NLK: variants seen among roughly 807,000 people sequenced by gnomAD.
The protein encoded by NLK is nemo like kinase.
NLK carries 11 observed loss-of-function variants against 59.0 expected under a neutral mutation model. That is an observed-to-expected ratio of 0.19 (90% confidence interval 0.12 to 0.31). The LOEUF is 0.31. Ranked by LOEUF, NLK falls within the 10% of genes least tolerant of loss-of-function variation. The pLI is 1.00. For missense variants in NLK, 410 were observed against 661.1 expected, an observed-to-expected ratio of 0.62 and a Z score of 4.16; for synonymous variants, 235 against 235.9, an observed-to-expected ratio of 1.00 and a Z score of 0.03.
chr17:28,131,646 T>C (rs1481014348), intron 2 of NLK, among the ~76,000 whole-genome samples: 1 of 148,926 alleles, frequency 6.7e-6, no homozygotes, highest in Non-Finnish European at 1.5e-5. Flanking sequence ...TTTGAACTAG[T>C]ACCACACAAT....
At chr17:28,044,481 A>G (rs1027940071) in intron 1 of NLK, among the ~76,000 whole-genome samples, 4 of 152,152 alleles carry the variant, frequency 2.6e-5, no homozygotes, top group Non-Finnish European at 4.4e-5. Context: ...CTGCTAAGTG[A>G]TCTCATCCAT....
chr17:28,130,432 A>T (rs1355287118), intron 2 of NLK, among the ~76,000 whole-genome samples: 1 of 152,182 alleles, frequency 6.6e-6, no homozygotes, highest in Non-Finnish European at 1.5e-5. Flanking sequence ...CGTTTAAAAA[A>T]TTCCAGGCAT....
intron 1 of NLK, among the ~76,000 whole-genome samples, chr17:28,097,967 T>G (rs1345282291): frequency 2.0e-5 from 3 of 152,188 alleles, no homozygotes; most frequent in African/African-American, 7.2e-5. Context: ...TGACAAAAGT[T>G]TGTTTCTTGG....
chr17:28,151,885 C>A (rs1407108590), intron 3 of NLK, among the ~76,000 whole-genome samples: 2 of 152,088 alleles, frequency 1.3e-5, no homozygotes, highest in African/African-American at 4.8e-5. Context: ...GAGGGAATGC[C>A]TGCTAGTTTA....
At chr17:28,190,212 A>G (rs1007461889) in intron 8 of NLK, among the ~76,000 whole-genome samples, 2 of 152,228 alleles carry the variant, frequency 1.3e-5, no homozygotes, top group African/African-American at 4.8e-5. Flanking sequence ...TAATACACGT[A>G]TGTCTACTGA....
intron 1 of NLK, among the ~76,000 whole-genome samples, chr17:28,070,759 C>G (rs1353252561): frequency 6.6e-6 from 1 of 151,946 alleles, no homozygotes; most frequent in African/African-American, 2.4e-5. Flanking sequence ...AAGTAAAATA[C>G]TAATTTTAAA....
rs146008623 is a variant in NLK at position 28,091,284 on chromosome 17, A to C, written c.459-31319A>C. 3.1e-4 allele frequency among the ~76,000 whole-genome samples: 47 copies of C among 152,298 alleles called. No homozygotes were observed. The East Asian group carries it at 8.9e-3, about 29-fold the overall frequency. The stretch of plus-strand genomic sequence containing the variant: ...GTTAAAGTGTGAGTATCAAGGATTC[A>C]TACCAGAGCCAGAATAATGGTAAAC... On this transcript the variant is annotated intron_variant, in intron 1 of 10. Transcript: ENST00000407008.
At chr17:28,095,179 A>G (rs994857218) in intron 1 of NLK, among the ~76,000 whole-genome samples, 7 of 152,142 alleles carry the variant, frequency 4.6e-5, no homozygotes, top group African/African-American at 1.7e-4. Flanking sequence ...TGAGTTATAC[A>G]TGGTGCTAGC....
At chr17:28,091,763 C>G (rs1904502615) in intron 1 of NLK, among the ~76,000 whole-genome samples, 1 of 152,156 alleles carries the variant, frequency 6.6e-6, no homozygotes, top group South Asian at 2.1e-4. Flanking sequence ...TTTGTTAATT[C>G]CATTTTGCAG....
chr17:28,074,641 C>T (rs974642234), intron 1 of NLK, among the ~76,000 whole-genome samples: 1 of 152,096 alleles, frequency 6.6e-6, no homozygotes, highest in African/African-American at 2.4e-5. Flanking sequence ...GAAAAGAGAT[C>T]TAAGGGCCTT....
chr17:28,201,125 A>T (rs1266709835), downstream of NLK, among the ~76,000 whole-genome samples: 3 of 152,210 alleles, frequency 2.0e-5, no homozygotes, highest in African/African-American at 7.2e-5. Context: ...TGTCGCCCAG[A>T]CTGGCATGCA....
At chr17:28,056,206 T>C (rs117187643) in intron 1 of NLK, among the ~76,000 whole-genome samples, 1 of 152,198 alleles carries the variant, frequency 6.6e-6, no homozygotes. Flanking sequence ...TTCACTAACA[T>C]TGCAGAATGA....
At chr17:28,163,783 T>TA (rs1908108792) in intron 5 of NLK, among the ~76,000 whole-genome samples, 155 bp downstream of exon 5, 1 of 152,212 alleles carries the variant, frequency 6.6e-6, no homozygotes, top group Non-Finnish European at 1.5e-5. Context: ...GCCATGGTAA[T>TA]AATTTGTAGT....
At chr17:28,155,437 C>T (rs1001918829) in intron 3 of NLK, among the ~76,000 whole-genome samples, 3 of 152,092 alleles carry the variant, frequency 2.0e-5, no homozygotes, top group Non-Finnish European at 2.9e-5. Context: ...TGGTTATATA[C>T]CCAAAGGATT....
At chr17:28,086,654 T>C (rs554102599) in intron 1 of NLK, among the ~76,000 whole-genome samples, 28 of 152,084 alleles carry the variant, frequency 1.8e-4, no homozygotes, top group African/African-American at 6.3e-4. Context: ...CAAGATCTCA[T>C]GAGGTTGCAT....
At chr17:28,153,228 C>G (rs2142040823) in intron 3 of NLK, among the ~76,000 whole-genome samples, 1 of 150,646 alleles carries the variant, frequency 6.6e-6, no homozygotes, top group Admixed American at 6.6e-5. Context: ...GAGCCGAGAT[C>G]ATGCCATTGC....
At chr17:28,130,839 G>C (rs1185409583) in intron 2 of NLK, among the ~76,000 whole-genome samples, 1 of 151,960 alleles carries the variant, frequency 6.6e-6, no homozygotes, top group Non-Finnish European at 1.5e-5. Context: ...AAATTTGTGT[G>C]AATTTATTGG....
At chr17:28,113,221 A>T (rs553256221) in intron 1 of NLK, among the ~76,000 whole-genome samples, 1 of 152,214 alleles carries the variant, frequency 6.6e-6, no homozygotes, top group African/African-American at 2.4e-5. Flanking sequence ...GCACACCTCT[A>T]TGACCACCAT....
At chr17:28,169,650 T>C (rs1908381585) in intron 6 of NLK, among the ~76,000 whole-genome samples, 1 of 152,084 alleles carries the variant, frequency 6.6e-6, no homozygotes. Flanking sequence ...AAATCCTAGC[T>C]GCACCACTTA....
Sources: allele counts gnomAD v4.1 joint callset (sites outside exome capture counted in the v4.1 genomes callset), GRCh38; gene constraint gnomAD v4.1.1; transcripts MANE v1.5; gene names NCBI Gene and HGNC (gene_info 2026-07-23, HGNC 2026-07-21).